The following DMC1 variants were observed in gnomAD, a reference collection of about 807,000 sequenced individuals.
The protein encoded by DMC1 is meiotic recombination protein DMC1 homolog.
In DMC1, 27 loss-of-function variants were observed where a neutral mutation model predicts 50.1. The ratio of observed to expected loss-of-function variants is 0.54; its 90% CI spans 0.40 to 0.74. The LOEUF (loss-of-function observed/expected upper bound fraction) is 0.74. Among genes scored for constraint, DMC1 ranks in the 30% least tolerant of loss-of-function variants. The pLI is 0.00. For synonymous variants in DMC1, 148 were observed against 136.1 expected, an observed-to-expected ratio of 1.09 and a Z score of -0.61; for missense variants, 295 against 420.2, an observed-to-expected ratio of 0.70 and a Z score of 2.60.
intron 6 of DMC1, 66 bp downstream of exon 6, chr22:38,555,291 T>C (rs2090458078): frequency 9.9e-7 from 1 of 1,014,572 alleles, no homozygotes; most frequent in Non-Finnish European, 1.6e-6. Context: ...TGTGTATGTA[T>C]ACACATAGAT....
At chr22:38,555,893 G>A (rs532945233) in intron 5 of DMC1, among the ~76,000 whole-genome samples, 56 of 151,374 alleles carry the variant, frequency 3.7e-4, no homozygotes, top group African/African-American at 1.2e-3. Context: ...ATGCAGTGGC[G>A]TGATCTTGGC....
intron 12 of DMC1, among the ~76,000 whole-genome samples, chr22:38,533,259 GT>G (rs1233040488): frequency 6.6e-6 from 1 of 151,776 alleles, no homozygotes; most frequent in Admixed American, 6.6e-5. Flanking sequence ...GCCGGGTGTG[GT>G]GGCGGGCGCC....
chr22:38,511,595 GA>G, the DMC1 span, among the ~76,000 whole-genome samples: 2 of 150,818 alleles, frequency 1.3e-5, no homozygotes, highest in East Asian at 2.0e-4. Flanking sequence ...GTAACCTCTG[GA>G]AAAAAAAATT....
Position 38,523,087 on chromosome 22 carries a change from T to A in DMC1, c.837-1363A>T, listed in dbSNP as rs543107032. 1.3e-3 allele frequency among the ~76,000 whole-genome samples: 196 copies of A among 152,230 alleles called. No homozygotes were observed. In the Middle Eastern group the frequency reaches 0.014, roughly 11 times the overall value. On this transcript the variant is annotated intron_variant, in intron 12 of 13. Coordinates refer to ENST00000216024, the MANE Select transcript of DMC1 (RefSeq NM_007068.4). ...AGTGAGGCCCTCTTAAAAACATTTT[T>A]AAAAAAATGTTTTAAATGCAAATGC...
chr22:38,548,831 G>C (rs962132573), intron 8 of DMC1, among the ~76,000 whole-genome samples: 2 of 151,098 alleles, frequency 1.3e-5, no homozygotes, highest in Non-Finnish European at 2.9e-5. Context: ...GATGGAGAAA[G>C]ACACTGTCTC....
At chr22:38,532,129 G>A (rs117428200) in intron 12 of DMC1, among the ~76,000 whole-genome samples, 3,398 of 152,124 alleles carry the variant, frequency 0.022, 51 homozygotes, top group Middle Eastern at 0.051. Flanking sequence ...TTTAAAACGA[G>A]CCTTAAAAAT....
chr22:38,564,532 T>G (rs1043514775), intron 4 of DMC1, among the ~76,000 whole-genome samples: 1 of 151,426 alleles, frequency 6.6e-6, no homozygotes, highest in African/African-American at 2.4e-5. Context: ...ATGTTGGTCT[T>G]GAACTCCTGA....
chr22:38,515,146 G>A (rs1239277125), downstream of DMC1, among the ~76,000 whole-genome samples: 2 of 150,784 alleles, frequency 1.3e-5, no homozygotes, highest in South Asian at 2.1e-4. Flanking sequence ...GATTACAGGC[G>A]TGAGCCACTG....
rs753724944 is a variant in DMC1 at position 38,557,956 on chromosome 22, C to CTTTTTTTTTTTTTT, written c.327-2561_327-2548dup. Among the ~76,000 whole-genome samples, 38 of 62,696 alleles carry CTTTTTTTTTTTTTT rather than the reference C, an allele frequency of 6.1e-4. 3 individuals are homozygous for CTTTTTTTTTTTTTT. Among genetic ancestry groups the CTTTTTTTTTTTTTT allele is most frequent in the African/African-American group, 9.3e-4 (15 of 16,068 alleles). 41.1% of individuals were successfully genotyped at this position (62,696 alleles called of 152,430 possible). On this transcript the variant is annotated intron_variant, in intron 5 of 13. Transcript: ENST00000216024. ...AATAATTAGATAATTAGACAAAGTTCTTTTTTTTTTTTTTTTTTTTTTTTG... is the reference window on the plus strand; with the variant it reads ...AATAATTAGATAATTAGACAAAGTTCTTTTTTTTTTTTTTTTTTTTTTTTTTTTTTTTTTTTTTG...
At chr22:38,537,749 T>C in intron 11 of DMC1, 97 bp from the exon 12 acceptor site, 1 of 840,340 alleles carries the variant, frequency 1.2e-6, no homozygotes, top group Admixed American at 2.1e-5. Flanking sequence ...TATTGCATCA[T>C]GAATTTATTT....
At chr22:38,538,505 T>C in intron 10 of DMC1, 34 bp downstream of exon 10, 2 of 1,608,458 alleles carry the variant, frequency 1.2e-6, no homozygotes, top group South Asian at 1.1e-5. Flanking sequence ...TTATGCTAAA[T>C]AGCTCTGTGA....
intron 1 of DMC1, 89 bp from the exon 2 acceptor site, chr22:38,568,378 A>C: frequency 1.1e-6 from 1 of 923,214 alleles, no homozygotes; most frequent in Non-Finnish European, 1.7e-6. Flanking sequence ...CTAGAAGGAC[A>C]GTAAGAGAAG....
chr22:38,517,574 C>CA (rs1232688893), downstream of DMC1, among the ~76,000 whole-genome samples: 5 of 142,664 alleles, frequency 3.5e-5, no homozygotes, highest in Non-Finnish European at 7.4e-5. Context: ...TGTCTCAAAA[C>CA]AAAAAACAAA....
the DMC1 span, among the ~76,000 whole-genome samples, chr22:38,512,521 T>C: frequency 6.6e-6 from 1 of 152,120 alleles, no homozygotes; most frequent in Non-Finnish European, 1.5e-5. Flanking sequence ...ATTTTGGGGG[T>C]TTTCCCTTAT....
At chr22:38,554,947 G>T (rs894240897) in intron 6 of DMC1, among the ~76,000 whole-genome samples, 2 of 152,094 alleles carry the variant, frequency 1.3e-5, no homozygotes, top group Non-Finnish European at 2.9e-5. Context: ...AGCTGGGAGT[G>T]GTGGCAGGCG....
intron 12 of DMC1, among the ~76,000 whole-genome samples, chr22:38,525,701 G>T (rs775053969): frequency 3.9e-5 from 6 of 152,202 alleles, no homozygotes; most frequent in Non-Finnish European, 7.3e-5. Context: ...AGCCCTTTGG[G>T]AGGCTGCGGC....
In DMC1 at chr22:38,552,673, G is replaced by C; in HGVS notation, c.414C>G (p.Thr138=). ...FRTGKTQLSH[T]LCVTAQLPGA... ...GTTGTTATATATCCTTACCACAGAG[G>C]GTATGAGAAAGCTGGGTTTTTCCAG... Residue 138 remains threonine (T), a synonymous_variant, in exon 7 of 14, where the codon ACC becomes ACG. Transcript: ENST00000216024. The C allele has an allele frequency of 6.3e-7, 1 of 1,590,140 alleles. No individual in the cohort carries two copies. Among genetic ancestry groups the C allele is most frequent in the Non-Finnish European group, 8.6e-7 (1 of 1,158,696 alleles).
At chr22:38,545,358 C>A (rs2090331900) in intron 8 of DMC1, among the ~76,000 whole-genome samples, 1 of 152,190 alleles carries the variant, frequency 6.6e-6, no homozygotes. Context: ...CAGCAGTGAT[C>A]CATGATCACG....
intron 8 of DMC1, among the ~76,000 whole-genome samples, chr22:38,543,755 A>G (rs1423872348): frequency 6.6e-6 from 1 of 152,064 alleles, no homozygotes; most frequent in East Asian, 1.9e-4. Flanking sequence ...CCCCTGGTCA[A>G]TTGCTCTGTC....
Sources: allele counts gnomAD v4.1 joint callset (sites outside exome capture counted in the v4.1 genomes callset), GRCh38; gene constraint gnomAD v4.1.1; transcripts MANE v1.5; gene names NCBI Gene and HGNC (gene_info 2026-07-23, HGNC 2026-07-21).